TBC1D19: variants seen among roughly 807,000 people sequenced by gnomAD.
TBC1D19 encodes TBC1 domain family member 19, also known as TBC1 domain family, member 19.
Under a neutral mutation model 89.0 loss-of-function variants are expected in TBC1D19, and 60 were observed. That is an observed-to-expected ratio of 0.67 (90% CI 0.55 to 0.84). TBC1D19 has a LOEUF of 0.84. Ranked by LOEUF, TBC1D19 falls within the 40% of genes least tolerant of loss-of-function variation. The pLI is 0.00. For synonymous variants in TBC1D19, 189 were observed against 199.7 expected (o/e 0.95, Z 0.45); for missense variants, 500 against 610.8 (o/e 0.82, Z 1.91).
At chr4:26,801,856 A>C in the TBC1D19 span, among the ~76,000 whole-genome samples, 1 of 152,206 alleles carries the variant, frequency 6.6e-6, no homozygotes, top group Non-Finnish European at 1.5e-5. Context: ...TACCAAGTAA[A>C]GTTACAATGA....
At chr4:26,809,396 G>T in the TBC1D19 span, among the ~76,000 whole-genome samples, 1 of 152,158 alleles carries the variant, frequency 6.6e-6, no homozygotes. Flanking sequence ...ATTTGGCAGG[G>T]CTGCAGTTTT....
chr4:26,640,050 A>T, intron 6 of TBC1D19, 91 bp from the exon 7 acceptor site: 1 of 886,800 alleles, frequency 1.1e-6, no homozygotes, highest in South Asian at 1.6e-5. Context: ...ATCTATCTGT[A>T]TGATAACATG....
chr4:26,666,532 T>G, intron 9 of TBC1D19, 127 bp downstream of exon 9: 1 of 637,846 alleles, frequency 1.6e-6, no homozygotes, highest in Non-Finnish European at 2.6e-6. Context: ...TTGCCTCTCC[T>G]TGGTTACTGT....
chr4:26,582,385 A>T (rs907243761), upstream of TBC1D19, among the ~76,000 whole-genome samples: 4 of 152,164 alleles, frequency 2.6e-5, no homozygotes, highest in Non-Finnish European at 4.4e-5. Context: ...GACTCCAGGC[A>T]CTATCTATGC....
chr4:26,693,205 T>C (rs1423703180), intron 13 of TBC1D19, among the ~76,000 whole-genome samples: 4 of 151,128 alleles, frequency 2.6e-5, no homozygotes, highest in African/African-American at 9.7e-5. Context: ...TACTCTGAAG[T>C]ACATCAGAGG....
chr4:26,587,105 A>G, intron 1 of TBC1D19, among the ~76,000 whole-genome samples: 1 of 152,128 alleles, frequency 6.6e-6, no homozygotes, highest in African/African-American at 2.4e-5. Context: ...AGATATGTTC[A>G]TATTATTTTT....
chr4:26,827,656 A>C, the TBC1D19 span, among the ~76,000 whole-genome samples: 1 of 152,126 alleles, frequency 6.6e-6, no homozygotes, highest in South Asian at 2.1e-4. Context: ...CCTAACTTCA[A>C]GCAAATGTTT....
At chr4:26,612,095 T>C (rs893233142) in intron 1 of TBC1D19, among the ~76,000 whole-genome samples, 1 of 152,018 alleles carries the variant, frequency 6.6e-6, no homozygotes, top group Non-Finnish European at 1.5e-5. Context: ...CTTCTTCCTG[T>C]ACAGATGTTG....
intron 18 of TBC1D19, among the ~76,000 whole-genome samples, chr4:26,743,281 A>G (rs1448040376): frequency 6.6e-6 from 1 of 152,122 alleles, no homozygotes; most frequent in South Asian, 2.1e-4. Context: ...ATTTGAAAAA[A>G]GTATTAACTC....
At chr4:26,612,375 TG>T (rs1741435011) in intron 1 of TBC1D19, among the ~76,000 whole-genome samples, 1 of 151,856 alleles carries the variant, frequency 6.6e-6, no homozygotes, top group African/African-American at 2.4e-5. Flanking sequence ...ATCTGGTAAA[TG>T]GTAATTTTAT....
intron 11 of TBC1D19, among the ~76,000 whole-genome samples, chr4:26,681,550 C>CA (rs907703555): frequency 2.6e-5 from 4 of 150,944 alleles, no homozygotes; most frequent in African/African-American, 4.9e-5. Context: ...GACGCCGTCT[C>CA]AAAAAAAATA....
chr4:26,820,279 C>T, the TBC1D19 span, among the ~76,000 whole-genome samples: 1 of 152,172 alleles, frequency 6.6e-6, no homozygotes, highest in South Asian at 2.1e-4. Flanking sequence ...TTCTTGCAGT[C>T]TGAAACTTTG....
intron 1 of TBC1D19, among the ~76,000 whole-genome samples, chr4:26,590,656 T>G (rs1739709001): frequency 6.6e-6 from 1 of 152,096 alleles, no homozygotes; most frequent in South Asian, 2.1e-4. Context: ...CATTTATCCC[T>G]CTCCTTTGCA....
chr4:26,651,711 T>A (rs1345858895), intron 7 of TBC1D19, among the ~76,000 whole-genome samples: 1 of 152,174 alleles, frequency 6.6e-6, no homozygotes, highest in Non-Finnish European at 1.5e-5. Flanking sequence ...TATTTCCTTC[T>A]CCTGCCTGAT....
At chr4:26,822,606 A>G in the TBC1D19 span, among the ~76,000 whole-genome samples, 1 of 152,142 alleles carries the variant, frequency 6.6e-6, no homozygotes, top group Non-Finnish European at 1.5e-5. Context: ...CCCTTTACGT[A>G]ATGCTATGAT....
At chr4:26,767,094 C>T in the TBC1D19 span, among the ~76,000 whole-genome samples, 3 of 152,032 alleles carry the variant, frequency 2.0e-5, no homozygotes, top group Non-Finnish European at 2.9e-5. Flanking sequence ...TGCTTGAGCC[C>T]AGGAGTTCAA....
chr4:26,778,159 T>A, the TBC1D19 span, among the ~76,000 whole-genome samples: 2 of 151,722 alleles, frequency 1.3e-5, no homozygotes, highest in Non-Finnish European at 2.9e-5. Flanking sequence ...CTCATGCCTG[T>A]AATCCCAGCA....
chr4:26,619,361 C>A (rs552233743), intron 3 of TBC1D19, among the ~76,000 whole-genome samples: 1 of 152,064 alleles, frequency 6.6e-6, no homozygotes, highest in Non-Finnish European at 1.5e-5. Context: ...TGTGCCACCA[C>A]GGCTGGCTAA....
intron 5 of TBC1D19, among the ~76,000 whole-genome samples, chr4:26,637,840 G>A (rs978066830): frequency 6.6e-6 from 1 of 152,168 alleles, no homozygotes; most frequent in African/African-American, 2.4e-5. Flanking sequence ...TAGTACAGAT[G>A]AGTTAGACAT....
Sources: allele counts gnomAD v4.1 joint callset (sites outside exome capture counted in the v4.1 genomes callset), GRCh38; gene constraint gnomAD v4.1.1; transcripts MANE v1.5; gene names NCBI Gene and HGNC (gene_info 2026-07-23, HGNC 2026-07-21).